The following PPP6R3 variants were observed in gnomAD, a reference collection of about 807,000 sequenced individuals.
PPP6R3 encodes serine/threonine-protein phosphatase 6 regulatory subunit 3.
PPP6R3 carries 38 observed loss-of-function variants against 110.7 expected under a neutral mutation model. That is an observed-to-expected ratio of 0.34 (90% CI 0.26 to 0.45). PPP6R3 has a LOEUF of 0.45. Ranked by LOEUF, PPP6R3 falls within the 20% of genes least tolerant of loss-of-function variation. The pLI is 1.00. For synonymous variants in PPP6R3, 369 were observed against 373.5 expected, an observed-to-expected ratio of 0.99 and a Z score of 0.14; for missense variants, 870 against 1,062.4, an observed-to-expected ratio of 0.82 and a Z score of 2.52.
intron 18 of PPP6R3, among the ~76,000 whole-genome samples, chr11:68,593,206 A>C (rs2099600966): frequency 4.8e-5 from 1 of 20,750 alleles, no homozygotes; most frequent in African/African-American, 2.1e-4. Context: ...CCCGTCCCCC[A>C]CAACCGTCTG....
rs775852849 is a variant in PPP6R3 at position 68,574,125 on chromosome 11, C to T, written c.1360C>T (p.Arg454Trp). 1.1e-5 allele frequency: 18 copies of T among 1,613,564 alleles called. No homozygotes were observed. Among genetic ancestry groups the T allele is most frequent in the Non-Finnish European group, 1.3e-5 (15 of 1,179,646 alleles). The stretch of plus-strand genomic sequence containing the variant: ...TCTTGTCAGGGCTGAGGGAGGAAGA[C>T]GGCATGGTTACATGGGACACCTAAC... ...NEKKQAEGGR[R>W]HGYMGHLTRI... Residue 454 changes from arginine (R) to tryptophan (W), a missense_variant, in exon 13 of 24, where the codon CGG becomes TGG. By Grantham distance (101) the Arg-to-Trp change is moderately radical. Coordinates refer to ENST00000393800, the MANE Select transcript of PPP6R3 (RefSeq NM_001164161.2).
chr11:68,556,804 T>TA (rs537756825), intron 7 of PPP6R3, among the ~76,000 whole-genome samples: 18 of 152,396 alleles, frequency 1.2e-4, no homozygotes, highest in African/African-American at 3.6e-4. Context: ...GGTTTGGTGA[T>TA]ACTTGCGTGT....
intron 7 of PPP6R3, among the ~76,000 whole-genome samples, chr11:68,555,272 C>T (rs960263833): frequency 6.6e-6 from 1 of 152,136 alleles, no homozygotes; most frequent in African/African-American, 2.4e-5. Context: ...ATAAGACACC[C>T]CACATTCAAA....
intron 22 of PPP6R3, among the ~76,000 whole-genome samples, chr11:68,607,258 C>T (rs1047024560): frequency 6.6e-6 from 1 of 152,134 alleles, no homozygotes; most frequent in Admixed American, 6.5e-5. Flanking sequence ...CAGATAGTCA[C>T]GCTGCAAAGT....
At position 68,609,710 on chromosome 11, in the gene PPP6R3, G is replaced by C. The variant is rs956184081; in HGVS notation, c.2451-194G>C. The stretch of plus-strand genomic sequence containing the variant: ...CCTGTTTTGGTTCCCACCTGTGTGC[G>C]ACCCTTTCCTTTTGTGATTCCCCAG... On this transcript the variant is annotated intron_variant, in intron 22 of 23. Coordinates refer to ENST00000393800, the MANE Select transcript of PPP6R3 (RefSeq NM_001164161.2). 1.1e-5 allele frequency: 17 copies of C among 1,573,204 alleles called. No individual in the cohort carries two copies. In the Middle Eastern group the frequency reaches 6.6e-4, roughly 62 times the overall value.
intron 7 of PPP6R3, among the ~76,000 whole-genome samples, chr11:68,557,672 C>T (rs944328934): frequency 2.0e-5 from 3 of 152,122 alleles, no homozygotes; most frequent in Admixed American, 2.0e-4. Context: ...GCGTGCACCA[C>T]GAGGCCCGGC....
intron 2 of PPP6R3, among the ~76,000 whole-genome samples, chr11:68,537,112 CAG>C (rs373443918): frequency 5.9e-5 from 9 of 152,282 alleles, no homozygotes; most frequent in African/African-American, 2.2e-4. Flanking sequence ...TCCTAGTAAA[CAG>C]AGGAGAATCA....
intron 1 of PPP6R3, among the ~76,000 whole-genome samples, chr11:68,474,400 C>G (rs190675959): frequency 1.8e-3 from 273 of 152,262 alleles, no homozygotes; most frequent in South Asian, 3.7e-3. Flanking sequence ...TAGAGGAAAG[C>G]TCACTTAAAT....
chr11:68,576,751 C>T (rs530845942), intron 14 of PPP6R3, among the ~76,000 whole-genome samples: 48 of 152,256 alleles, frequency 3.2e-4, no homozygotes, highest in Non-Finnish European at 5.9e-4. Context: ...CAGCACGTGA[C>T]TCGACATTGA....
At chr11:68,462,436 C>T (rs2098714505) in intron 1 of PPP6R3, among the ~76,000 whole-genome samples, 1 of 152,134 alleles carries the variant, frequency 6.6e-6, no homozygotes, top group African/African-American at 2.4e-5. Context: ...TGGTTAAATA[C>T]AGAAAAGCCC....
chr11:68,598,439 G>A (rs1219604261), intron 19 of PPP6R3, among the ~76,000 whole-genome samples: 3 of 152,288 alleles, frequency 2.0e-5, no homozygotes, highest in Admixed American at 1.3e-4. Context: ...TGAGGTTCGC[G>A]TTTACCTACC....
chr11:68,556,881 G>A (rs1257417147), intron 7 of PPP6R3, among the ~76,000 whole-genome samples: 2 of 152,202 alleles, frequency 1.3e-5, no homozygotes, highest in East Asian at 3.8e-4. Flanking sequence ...GTTTTCGCTG[G>A]TTATTATGTT....
At chr11:68,479,464 A>G (rs2098883725) in intron 1 of PPP6R3, among the ~76,000 whole-genome samples, 1 of 152,100 alleles carries the variant, frequency 6.6e-6, no homozygotes, top group Admixed American at 6.5e-5. Context: ...ATACTTTTAT[A>G]TTGTCATTCT....
rs957833597 is a variant in PPP6R3 at position 68,612,805 on chromosome 11, T to C, written c.2571-261T>C. The C allele has an allele frequency of 3.4e-4, 186 of 546,258 alleles. 1 individual carries two copies. The highest frequency in any genetic ancestry group is 2.2e-3 in the Middle Eastern group (4 of 1,848). The allele number at this position is 546,258 out of a possible 1,614,324, so 33.8% of individuals were successfully genotyped here. A position where few individuals can be genotyped will look rare whatever the true frequency, so the allele number is the denominator to read the frequency against. ...TCCCTGTGCTTCTTGGAGGCCGCGGTGGGGCGGTTCTCCCAGAGCATTTGC... is the reference window on the plus strand; with the variant it reads ...TCCCTGTGCTTCTTGGAGGCCGCGGCGGGGCGGTTCTCCCAGAGCATTTGC... On this transcript the variant is annotated intron_variant, in intron 23 of 23. Coordinates refer to ENST00000393800, the MANE Select transcript of PPP6R3 (RefSeq NM_001164161.2).
chr11:68,479,497 C>T lies in PPP6R3; in HGVS notation c.-158+18670C>T, dbSNP rs1478373899. Reference sequence around the variant, plus strand: ...TCTTAAAAGGTTGTTTTGCCTAATACCCAGTTCTGGCTCGATGATTGTTTT... The same window carrying T: ...TCTTAAAAGGTTGTTTTGCCTAATATCCAGTTCTGGCTCGATGATTGTTTT... On this transcript the variant is annotated intron_variant, in intron 1 of 23. Transcript: ENST00000393800. 3.3e-5 allele frequency among the ~76,000 whole-genome samples: 5 copies of T among 152,278 alleles called. No individual in the cohort carries two copies. In the South Asian group the frequency reaches 8.3e-4, roughly 25 times the overall value.
At chr11:68,501,518 G>C (rs752511812) in intron 1 of PPP6R3, among the ~76,000 whole-genome samples, 4 of 152,114 alleles carry the variant, frequency 2.6e-5, no homozygotes, top group Admixed American at 2.6e-4. Flanking sequence ...GTAGAGATGG[G>C]GTTTCACCAT....
intron 1 of PPP6R3, among the ~76,000 whole-genome samples, chr11:68,504,651 C>A (rs781251291): frequency 6.6e-6 from 1 of 152,168 alleles, no homozygotes; most frequent in Non-Finnish European, 1.5e-5. Context: ...GCTCCTGGTA[C>A]AATTTGAGAG....
At chr11:68,583,013 A>T in intron 14 of PPP6R3, 30 bp from the exon 15 acceptor site, 2 of 1,403,648 alleles carry the variant, frequency 1.4e-6, no homozygotes, top group Non-Finnish European at 1.9e-6. Flanking sequence ...TTTCTATGTT[A>T]AATAGTCTTT....
intron 1 of PPP6R3, among the ~76,000 whole-genome samples, chr11:68,509,769 G>T (rs1308044972): frequency 6.1e-5 from 3 of 49,070 alleles, no homozygotes; most frequent in South Asian, 5.0e-4. Flanking sequence ...TTTTTTTTGA[G>T]ACGGAGCTTC....
Sources: gnomAD v4.1 joint callset for allele counts (sites outside exome capture counted in the v4.1 genomes callset) on GRCh38, gnomAD v4.1.1 for gene constraint, MANE v1.5 for transcripts, NCBI Gene and HGNC (gene_info 2026-07-23, HGNC 2026-07-21) for gene names.